Variants in PTGER3 observed in about 807,000 individuals in gnomAD.
PTGER3 encodes the protein prostaglandin E receptor 3.
A neutral mutation model predicts 34.7 loss-of-function variants in PTGER3; 22 were observed. The ratio of observed to expected loss-of-function variants is 0.63; its 90% confidence interval spans 0.45 to 0.91. The LOEUF (loss-of-function observed/expected upper bound fraction) is 0.91, where lower values mean the gene tolerates loss of function less well. PTGER3 is among the 40% of genes least tolerant of loss of function. The pLI is 0.00. For synonymous variants in PTGER3, 241 were observed against 230.1 expected (o/e 1.05, Z -0.43); for missense variants, 468 against 519.4 (o/e 0.90, Z 0.96).
At chr1:70,988,254 C>G (rs1262537256) in intron 2 of PTGER3, among the ~76,000 whole-genome samples, 1 of 152,040 alleles carries the variant, frequency 6.6e-6, no homozygotes, top group African/African-American at 2.4e-5. Context: ...ATAAAATAAC[C>G]CATAGGAAGT....
chr1:70,954,815 C>G (rs1273036208), intron 2 of PTGER3, among the ~76,000 whole-genome samples: 2 of 149,108 alleles, frequency 1.3e-5, no homozygotes, highest in African/African-American at 2.4e-5. Flanking sequence ...ACATTCAACA[C>G]TAAAAGGAAG....
chr1:71,040,516 C>T (rs1053275970), intron 1 of PTGER3, among the ~76,000 whole-genome samples: 13 of 151,470 alleles, frequency 8.6e-5, no homozygotes, highest in Admixed American at 6.6e-4. Context: ...GGCTGAGGCA[C>T]GAGAATCACT....
chr1:70,862,464 G>T, intron 4 of PTGER3: 1 of 987,018 alleles, frequency 1.0e-6, no homozygotes. Context: ...TTGAAGTGAA[G>T]TGAATGGATA....
chr1:70,858,245 A>T (rs921129918), intron 4 of PTGER3, among the ~76,000 whole-genome samples: 53 of 138,152 alleles, frequency 3.8e-4, no homozygotes, highest in African/African-American at 1.4e-3. Flanking sequence ...TGCTTATTTC[A>T]TTGCTCTTTA....
At chr1:70,966,360 C>G (rs1652513072), downstream of PTGER3, among the ~76,000 whole-genome samples, 1 of 151,784 alleles carries the variant, frequency 6.6e-6, no homozygotes, top group African/African-American at 2.4e-5. Flanking sequence ...ACTCATGTAA[C>G]CAAATAACAC....
intron 2 of PTGER3, among the ~76,000 whole-genome samples, chr1:70,991,957 CAAT>C (rs891874286): frequency 5.9e-5 from 9 of 152,096 alleles, no homozygotes; most frequent in Admixed American, 4.6e-4. Context: ...ACCCTTTAAA[CAAT>C]AATAATAGGC....
At chr1:70,880,900 T>C (rs1338605808) in intron 4 of PTGER3, among the ~76,000 whole-genome samples, 2 of 138,542 alleles carry the variant, frequency 1.4e-5, no homozygotes, top group Admixed American at 6.8e-5. Flanking sequence ...GGTTGTCTTA[T>C]ATAGTGTCTT....
intron 2 of PTGER3, 130 bp downstream of exon 2, chr1:71,012,175 G>A: frequency 1.3e-6 from 2 of 1,578,010 alleles, no homozygotes; most frequent in African/African-American, 2.7e-5. Flanking sequence ...AGCGATATTT[G>A]TTACCAAAAG....
chr1:70,950,077 C>T (rs1650613440), downstream of PTGER3, among the ~76,000 whole-genome samples: 1 of 152,256 alleles, frequency 6.6e-6, no homozygotes, highest in Non-Finnish European at 1.5e-5. Context: ...GAAGAAGGGT[C>T]AGGAAAATTT....
chr1:70,907,147 A>G (rs1443217841), intron 4 of PTGER3, among the ~76,000 whole-genome samples: 1 of 152,220 alleles, frequency 6.6e-6, no homozygotes, highest in Non-Finnish European at 1.5e-5. Context: ...TATTGGTAAC[A>G]ATATGGTAAC....
At chr1:71,045,382 A>C (rs1660675398) in intron 1 of PTGER3, among the ~76,000 whole-genome samples, 1 of 152,218 alleles carries the variant, frequency 6.6e-6, no homozygotes. Context: ...GAAAGAAAAA[A>C]AACTGCGTTC....
intron 2 of PTGER3, among the ~76,000 whole-genome samples, chr1:70,963,364 G>A (rs1288293278): frequency 6.6e-6 from 1 of 152,190 alleles, no homozygotes; most frequent in Non-Finnish European, 1.5e-5. Flanking sequence ...TGGGGACTCT[G>A]CATGGGGGTT....
intron 4 of PTGER3, among the ~76,000 whole-genome samples, chr1:70,868,176 C>A (rs760762001): frequency 2.0e-5 from 3 of 151,964 alleles, no homozygotes; most frequent in African/African-American, 4.8e-5. Context: ...TCCTATCAAC[C>A]ATTTAGTTCA....
At chr1:70,890,052 T>C (rs552483457) in intron 4 of PTGER3, among the ~76,000 whole-genome samples, 7 of 152,300 alleles carry the variant, frequency 4.6e-5, no homozygotes, top group African/African-American at 1.7e-4. Context: ...ATTTCCATGT[T>C]GTACCACTTC....
At chr1:70,922,185 T>A (rs1199423392) in intron 4 of PTGER3, among the ~76,000 whole-genome samples, 8 of 152,118 alleles carry the variant, frequency 5.3e-5, no homozygotes, top group Non-Finnish European at 1.5e-5. Context: ...TGGGGACATG[T>A]GAAATAAGCA....
At chr1:70,969,496 A>G (rs1417090639), downstream of PTGER3, among the ~76,000 whole-genome samples, 3 of 152,206 alleles carry the variant, frequency 2.0e-5, no homozygotes, top group Non-Finnish European at 2.9e-5. Context: ...CATGAATTAC[A>G]GTTTTGTCAC....
chr1:70,862,404 T>C (rs376738370), intron 4 of PTGER3: 3 of 1,350,540 alleles, frequency 2.2e-6, no homozygotes, highest in African/African-American at 3.0e-5. Flanking sequence ...TCTCCTATTA[T>C]GTGATAGGCA....
chr1:71,034,083 A>G (rs1366480148), intron 1 of PTGER3, among the ~76,000 whole-genome samples: 2 of 152,220 alleles, frequency 1.3e-5, no homozygotes, highest in South Asian at 4.1e-4. Context: ...TTATCTGGCC[A>G]GCATTTTGAT....
chr1:70,993,330 G>A (rs1320731459), intron 2 of PTGER3, among the ~76,000 whole-genome samples: 1 of 152,200 alleles, frequency 6.6e-6, no homozygotes, highest in Non-Finnish European at 1.5e-5. Context: ...TTTATAAAGC[G>A]CATGTGTATA....
Sources: gnomAD v4.1 joint callset for allele counts (sites outside exome capture counted in the v4.1 genomes callset) on GRCh38, gnomAD v4.1.1 for gene constraint, MANE v1.5 for transcripts, NCBI Gene and HGNC (gene_info 2026-07-23, HGNC 2026-07-21) for gene names.